Variants in HERC3 observed in about 807,000 individuals in gnomAD.
HERC3 encodes the protein HECT and RLD domain containing E3 ubiquitin protein ligase 3, also known as probable E3 ubiquitin-protein ligase HERC3.
Under a neutral mutation model 129.9 loss-of-function variants are expected in HERC3, and 58 were observed. The observed-to-expected ratio is 0.45, with a 90% CI of 0.36 to 0.56. HERC3 has a LOEUF of 0.56. Among genes scored for constraint, HERC3 ranks in the 20% least tolerant of loss-of-function variants. The probability of loss-of-function intolerance (pLI) is 0.00; values close to 1 mark genes in which losing one functional copy is unlikely to be tolerated. For missense variants in HERC3, 835 were observed against 1,244.2 expected, an observed-to-expected ratio of 0.67 and a Z score of 4.95; for synonymous variants, 430 against 451.0, an observed-to-expected ratio of 0.95 and a Z score of 0.59.
intron 18 of HERC3, among the ~76,000 whole-genome samples, chr4:88,677,103 C>T (rs1316760496): frequency 6.6e-6 from 1 of 151,852 alleles, no homozygotes; most frequent in East Asian, 1.9e-4. Context: ...CCACTGCACT[C>T]CAGCCTGGGC....
intron 3 of HERC3, among the ~76,000 whole-genome samples, chr4:88,641,441 A>G (rs1362664924): frequency 6.6e-6 from 1 of 152,240 alleles, no homozygotes; most frequent in Non-Finnish European, 1.5e-5. Flanking sequence ...AAGTACAAGG[A>G]AAGAAATAGT....
At chr4:88,667,300 A>G (rs1731151738) in intron 12 of HERC3, 77 bp from the exon 13 acceptor site, 4 of 705,516 alleles carry the variant, frequency 5.7e-6, no homozygotes, top group Non-Finnish European at 9.5e-6. Context: ...AGAACACAGT[A>G]TTTTACTTGT....
rs1233075714 is a variant in HERC3, at chr4:88,656,047, T to C, written c.1069+12T>C. On this transcript the variant is annotated intron_variant, in intron 9 of 25. Transcript: ENST00000402738. ...TTCAGCCCGAGCTGGTAAGAATGAT[T>C]GTCTCTGGAATTTAAAGGTATTTTA... 2 of 1,613,088 alleles carry C rather than the reference T, an allele frequency of 1.2e-6. No individual in the cohort carries two copies. The highest frequency in any genetic ancestry group is 2.7e-5 in the African/African-American group (2 of 74,894).
Position 88,635,500 on chromosome 4 carries a change from A to G in HERC3, c.227-14340A>G, listed in dbSNP as rs569705577. Among the ~76,000 whole-genome samples the G allele has an allele frequency of 2.8e-4, 43 of 152,262 alleles. 1 individual carries two copies. In the South Asian group the frequency reaches 8.5e-3, roughly 30 times the overall value. ...CAAAACCTCTGAGAAATATGGGACTATGTAAAAAGACCGAACCTAAGACTG... is the reference window on the plus strand; with the variant it reads ...CAAAACCTCTGAGAAATATGGGACTGTGTAAAAAGACCGAACCTAAGACTG... On this transcript the variant is annotated intron_variant, in intron 3 of 25. Coordinates refer to ENST00000402738, the MANE Select transcript of HERC3 (RefSeq NM_014606.3).
intron 3 of HERC3, among the ~76,000 whole-genome samples, chr4:88,607,069 G>A (rs574833517): frequency 1.2e-3 from 185 of 152,246 alleles, no homozygotes; most frequent in African/African-American, 4.2e-3. Flanking sequence ...TGATCCTTAT[G>A]GCAAATGCTG....
At chr4:88,678,246 C>A in intron 19 of HERC3, 112 bp downstream of exon 19, 2 of 903,670 alleles carry the variant, frequency 2.2e-6, no homozygotes, top group South Asian at 1.6e-5. Flanking sequence ...TTCTTTCATT[C>A]ATTTTGCAAG....
At chr4:88,528,479 A>G in the HERC3 span, among the ~76,000 whole-genome samples, 3 of 152,152 alleles carry the variant, frequency 2.0e-5, no homozygotes, top group African/African-American at 7.2e-5. Flanking sequence ...CTCAAGATCA[A>G]AGAGTGGGCC....
chr4:88,642,130 CAAAAAA>C (rs200464130), intron 3 of HERC3, among the ~76,000 whole-genome samples: 2 of 77,074 alleles, frequency 2.6e-5, no homozygotes, highest in South Asian at 4.5e-4. Flanking sequence ...GACTCTGTCT[CAAAAAA>C]AAAAAAAAAA....
At chr4:88,677,932 G>A in intron 18 of HERC3, 32 bp from the exon 19 acceptor site, 1 of 1,603,624 alleles carries the variant, frequency 6.2e-7, no homozygotes, top group African/African-American at 1.3e-5. Flanking sequence ...CGTGTGCTCT[G>A]AGTAATTGCT....
At chr4:88,562,444 A>G in the HERC3 span, among the ~76,000 whole-genome samples, 2 of 152,016 alleles carry the variant, frequency 1.3e-5, no homozygotes, top group African/African-American at 4.8e-5. Context: ...ATTTTCTCCT[A>G]TTCTTTGAGT....
chr4:88,655,118 T>A (rs1397621833), intron 7 of HERC3, 56 bp from the exon 8 acceptor site: 1 of 1,587,950 alleles, frequency 6.3e-7, no homozygotes, highest in Non-Finnish European at 8.6e-7. Context: ...TATACAGGGT[T>A]TAGAGGTATA....
intron 3 of HERC3, among the ~76,000 whole-genome samples, chr4:88,635,964 C>T (rs992702665): frequency 2.6e-5 from 4 of 152,154 alleles, no homozygotes. Context: ...GAATTTGCCA[C>T]CACCAGGACT....
chr4:88,697,654 C>T lies in HERC3; in HGVS notation c.2658-6444C>T, dbSNP rs376576360. 319 of 1,613,296 alleles carry T rather than the reference C, an allele frequency of 2.0e-4. No individual in the cohort carries two copies. The highest frequency in any genetic ancestry group is 2.4e-4 in the African/African-American group (18 of 74,900). ...ACCAGCCGCGCTGTCACAGTCTCCA[C>T]CCTGCGCACCGCCTTCCGCCATTAC... On this transcript the variant is annotated intron_variant, in intron 23 of 25. Transcript: ENST00000402738.
intron 13 of HERC3, 121 bp from the exon 14 acceptor site, chr4:88,667,771 G>T (rs1731200912): frequency 4.0e-6 from 3 of 747,266 alleles, no homozygotes; most frequent in Admixed American, 2.5e-5. Flanking sequence ...CTCATAGTAG[G>T]TTCTCAGTGC....
chr4:88,607,546 C>G (rs1005287775), intron 3 of HERC3, among the ~76,000 whole-genome samples: 4 of 152,170 alleles, frequency 2.6e-5, no homozygotes, highest in Non-Finnish European at 4.4e-5. Flanking sequence ...TCACCGCAAC[C>G]TCCGCCTCCC....
chr4:88,537,889 A>G, the HERC3 span, among the ~76,000 whole-genome samples: 1 of 152,244 alleles, frequency 6.6e-6, no homozygotes, highest in African/African-American at 2.4e-5. Flanking sequence ...TGAAGCTCGA[A>G]TAGCAGCAGA....
chr4:88,686,385 C>G (rs1394134927), intron 21 of HERC3, among the ~76,000 whole-genome samples: 1 of 152,054 alleles, frequency 6.6e-6, no homozygotes, highest in Non-Finnish European at 1.5e-5. Flanking sequence ...GCTGGAGGGC[C>G]CCTGCAATAC....
intron 1 of HERC3, 106 bp downstream of exon 1, chr4:88,592,680 G>C (rs983702485): frequency 6.6e-6 from 1 of 152,364 alleles, no homozygotes; most frequent in Non-Finnish European, 1.5e-5. Context: ...GGCTCCCGGA[G>C]GGGCGGCTGC....
At chr4:88,552,304 T>G in the HERC3 span, among the ~76,000 whole-genome samples, 3 of 152,088 alleles carry the variant, frequency 2.0e-5, no homozygotes, top group African/African-American at 4.8e-5. Flanking sequence ...AGTCTCGTTT[T>G]CCTCTGCTCT....
Sources: gnomAD v4.1 joint callset for allele counts (sites outside exome capture counted in the v4.1 genomes callset) on GRCh38, gnomAD v4.1.1 for gene constraint, MANE v1.5 for transcripts, NCBI Gene and HGNC (gene_info 2026-07-23, HGNC 2026-07-21) for gene names.